MARCHF1: variants seen among roughly 807,000 people sequenced by gnomAD.
The protein encoded by MARCHF1 is membrane associated ring-CH-type finger 1.
Under a neutral mutation model 54.2 loss-of-function variants are expected in MARCHF1, and 40 were observed. That is an observed-to-expected ratio of 0.74 (90% CI 0.57 to 0.96). The LOEUF (loss-of-function observed/expected upper bound fraction) is 0.96, where lower values mean the gene tolerates loss of function less well. MARCHF1 is among the 40% of genes least tolerant of loss of function. MARCHF1 has a pLI of 0.00. For missense variants in MARCHF1, 586 were observed against 656.5 expected (o/e 0.89, Z 1.17); for synonymous variants, 236 against 236.3 (o/e 1.00, Z 0.01).
intron 9 of MARCHF1, among the ~76,000 whole-genome samples, chr4:163,531,695 A>C (rs1282162536): frequency 6.6e-6 from 1 of 151,912 alleles, no homozygotes; most frequent in African/African-American, 2.4e-5. Flanking sequence ...CAAAGAACTG[A>C]TTAAGTTTTT....
chr4:163,559,403 A>G (rs1004505823), intron 8 of MARCHF1, among the ~76,000 whole-genome samples: 1 of 152,192 alleles, frequency 6.6e-6, no homozygotes, highest in Non-Finnish European at 1.5e-5. Flanking sequence ...GCGATTTGGA[A>G]AGTAGAAAGG....
intron 1 of MARCHF1, among the ~76,000 whole-genome samples, chr4:164,376,637 G>A (rs571845082): frequency 2.6e-5 from 4 of 152,198 alleles, no homozygotes; most frequent in South Asian, 2.1e-4. Context: ...AGTGCGTCTC[G>A]GAACTATCCA....
intron 2 of MARCHF1, among the ~76,000 whole-genome samples, chr4:164,072,420 G>A (rs973544224): frequency 1.1e-4 from 16 of 151,990 alleles, no homozygotes; most frequent in Non-Finnish European, 4.4e-5. Flanking sequence ...AATTAACTGG[G>A]TGTGGTGGTG....
chr4:163,931,539 G>A (rs1362600096), intron 3 of MARCHF1, among the ~76,000 whole-genome samples: 1 of 151,930 alleles, frequency 6.6e-6, no homozygotes, highest in Admixed American at 6.6e-5. Flanking sequence ...GAGAAAATGG[G>A]GCCTCATCAA....
intron 3 of MARCHF1, among the ~76,000 whole-genome samples, chr4:163,955,976 T>C (rs1752225562): frequency 6.6e-6 from 1 of 152,086 alleles, no homozygotes; most frequent in South Asian, 2.1e-4. Context: ...GATCCTGAAT[T>C]GGATCCTGGA....
At chr4:163,589,060 T>A (rs1740499611) in intron 7 of MARCHF1, among the ~76,000 whole-genome samples, 1 of 137,264 alleles carries the variant, frequency 7.3e-6, no homozygotes, top group Admixed American at 7.7e-5. Flanking sequence ...ATGAACAAAA[T>A]GTCTTATTTG....
chr4:164,333,454 T>C (rs1269834093), intron 1 of MARCHF1, among the ~76,000 whole-genome samples: 3 of 152,232 alleles, frequency 2.0e-5, no homozygotes, highest in Non-Finnish European at 4.4e-5. Context: ...TTTAAATGAT[T>C]TCATTATTAT....
At position 164,000,432 on chromosome 4, in the gene MARCHF1, T is replaced by A. The variant is rs527346845; in HGVS notation, c.-247-11723A>T. Among the ~76,000 whole-genome samples the A allele has an allele frequency of 3.3e-5, 5 of 151,724 alleles. No individual in the cohort carries two copies. The South Asian group carries it at 1.0e-3, about 31-fold the overall frequency. On this transcript the variant is annotated intron_variant, in intron 2 of 9. Transcript: ENST00000514618. Reference sequence around the variant, plus strand: ...TCACTACCCTCAAATCTGTAGGTTTTGGATGGAAAATTCAATAAAATATTC... The same window carrying A: ...TCACTACCCTCAAATCTGTAGGTTTAGGATGGAAAATTCAATAAAATATTC...
intron 2 of MARCHF1, among the ~76,000 whole-genome samples, chr4:164,109,912 T>TAAAAAAAAAAAAAAAAAAAAAA (rs57433858): frequency 3.2e-5 from 2 of 63,156 alleles, no homozygotes; most frequent in African/African-American, 6.6e-5. Flanking sequence ...AAAATAAAAG[T>TAAAAAAAAAAAAAAAAAAAAAA]AAAAAAAAAA....
chr4:163,944,133 ATTTTTTTTTTT>A (rs5863642), intron 3 of MARCHF1, among the ~76,000 whole-genome samples: 1 of 110,126 alleles, frequency 9.1e-6, no homozygotes. Flanking sequence ...CACCGGGCTA[ATTTTTTTTTTT>A]TTTTTTTTTT....
chr4:164,178,797 A>C (rs139817953), intron 1 of MARCHF1, among the ~76,000 whole-genome samples: 1,900 of 152,286 alleles, frequency 0.012, 39 homozygotes, highest in East Asian at 0.091. Context: ...TAAATTAAAA[A>C]TATGGCTTGA....
At chr4:163,682,742 C>T (rs1744146149) in intron 5 of MARCHF1, among the ~76,000 whole-genome samples, 1 of 152,042 alleles carries the variant, frequency 6.6e-6, no homozygotes, top group Non-Finnish European at 1.5e-5. Flanking sequence ...GGGGCTTTTC[C>T]CCCTTTGCTC....
At chr4:163,831,812 T>C (rs1415199330) in intron 4 of MARCHF1, among the ~76,000 whole-genome samples, 1 of 152,150 alleles carries the variant, frequency 6.6e-6, no homozygotes, top group Non-Finnish European at 1.5e-5. Flanking sequence ...TTTTGTAGTG[T>C]ATGTGGTAAT....
chr4:163,804,220 A>G (rs1267370506), intron 4 of MARCHF1, among the ~76,000 whole-genome samples: 1 of 152,206 alleles, frequency 6.6e-6, no homozygotes, highest in Non-Finnish European at 1.5e-5. Flanking sequence ...ACCACCATCT[A>G]GAGACATGGT....
At chr4:163,800,834 G>A (rs1272606762) in intron 4 of MARCHF1, among the ~76,000 whole-genome samples, 1 of 152,074 alleles carries the variant, frequency 6.6e-6, no homozygotes, top group Non-Finnish European at 1.5e-5. Flanking sequence ...TCCATCAGGG[G>A]AAAGACACTG....
At chr4:164,088,814 A>T (rs1388213952) in intron 2 of MARCHF1, among the ~76,000 whole-genome samples, 1 of 152,206 alleles carries the variant, frequency 6.6e-6, no homozygotes, top group Non-Finnish European at 1.5e-5. Flanking sequence ...TTAATAAGAT[A>T]ATCATAAAAC....
At chr4:163,919,979 T>G (rs1289677868) in intron 3 of MARCHF1, among the ~76,000 whole-genome samples, 1 of 152,184 alleles carries the variant, frequency 6.6e-6, no homozygotes, top group Non-Finnish European at 1.5e-5. Context: ...TCTTGGTAGG[T>G]GATAAGTCTT....
chr4:164,156,718 C>A (rs1201640300), intron 1 of MARCHF1, among the ~76,000 whole-genome samples: 1 of 152,142 alleles, frequency 6.6e-6, no homozygotes, highest in Non-Finnish European at 1.5e-5. Context: ...CGTTAGTCAC[C>A]ATGCCCGCCC....
intron 7 of MARCHF1, among the ~76,000 whole-genome samples, chr4:163,600,023 A>C (rs1482939414): frequency 6.6e-6 from 1 of 152,172 alleles, no homozygotes; most frequent in Non-Finnish European, 1.5e-5. Flanking sequence ...GAGCTGAAGG[A>C]AAATAAATTT....
Sources: allele counts gnomAD v4.1 joint callset (sites outside exome capture counted in the v4.1 genomes callset), GRCh38; gene constraint gnomAD v4.1.1; transcripts MANE v1.5; gene names NCBI Gene and HGNC (gene_info 2026-07-23, HGNC 2026-07-21).